Variants in TRAPPC10 observed in about 807,000 individuals in gnomAD.
TRAPPC10 encodes the protein trafficking protein particle complex subunit 10, also known as TRAPP 130 kDa subunit.
In TRAPPC10, 23 loss-of-function variants were observed where a neutral mutation model predicts 125.5. The observed-to-expected ratio is 0.18, with a 90% CI of 0.13 to 0.26. The LOEUF is 0.26. TRAPPC10 is among the 10% of genes least tolerant of loss of function. The pLI is 1.00. For missense variants in TRAPPC10, 1,123 were observed against 1,308.4 expected (o/e 0.86, Z 2.19); for synonymous variants, 509 against 518.0 (o/e 0.98, Z 0.24).
intron 2 of TRAPPC10, among the ~76,000 whole-genome samples, chr21:44,036,170 A>G (rs1353807027): frequency 6.6e-6 from 1 of 152,220 alleles, no homozygotes; most frequent in Non-Finnish European, 1.5e-5. Flanking sequence ...GAATGAAGAA[A>G]ACAAAGCAAA....
At chr21:44,077,636 AGT>A (rs1454191693) in intron 10 of TRAPPC10, 55 bp from the exon 11 acceptor site, 1 of 1,262,548 alleles carries the variant, frequency 7.9e-7, no homozygotes, top group Non-Finnish European at 1.1e-6. Context: ...GAATAAATGT[AGT>A]ATTTGTCCAT....
Position 44,046,940 on chromosome 21 carries a change from C to T in TRAPPC10, c.286-5340C>T, listed in dbSNP as rs1175608553. ...ACTGGCCGTCCTACATTTCAGGTGTCGATGAATATGGCCCACTGGGAACTG... is the reference window on the plus strand; with the variant it reads ...ACTGGCCGTCCTACATTTCAGGTGTTGATGAATATGGCCCACTGGGAACTG... On this transcript the variant is annotated intron_variant, in intron 3 of 22. Transcript: ENST00000291574. 5 of 831,512 alleles carry T rather than the reference C, an allele frequency of 6.0e-6. 1 individual carries two copies. Among genetic ancestry groups the T allele is most frequent in the South Asian group, 4.0e-5 (3 of 75,262 alleles). The allele number at this position is 831,512 out of a possible 1,614,324, so 51.5% of individuals were successfully genotyped here.
chr21:44,084,762 T>C (rs950730997), intron 15 of TRAPPC10, among the ~76,000 whole-genome samples: 3 of 152,222 alleles, frequency 2.0e-5, no homozygotes, highest in African/African-American at 7.2e-5. Flanking sequence ...CAGGGTTCTT[T>C]TGCTTGTGCT....
Position 44,083,016 on chromosome 21 carries a change from C to G in TRAPPC10, c.1952C>G (p.Ser651Cys). 3 of 1,614,094 alleles carry G rather than the reference C, an allele frequency of 1.9e-6. No homozygotes were observed. The highest frequency in any genetic ancestry group is 2.5e-6 in the Non-Finnish European group (3 of 1,180,026). ...TAEWLTKHKT[S>C]NGIINFPPET... ...GAGTGGCTTACCAAGCACAAGACGT[C>G]CAATGGGATCATTAACTTTCCACCC... The change falls in exon 14 of 23, where the codon TCC becomes TGC. Residue 651 changes from serine to cysteine, a missense_variant. Physicochemically the swap from Ser to Cys is moderately radical, Grantham distance 112 (BLOSUM62 -1). Around this residue, in one of 4 missense-constraint regions of TRAPPC10, gnomAD observed 840 missense variants for 902.0 expected, o/e 0.93. Transcript: ENST00000291574.
intron 1 of TRAPPC10, among the ~76,000 whole-genome samples, chr21:44,018,143 CT>C (rs60369997): frequency 0.35 from 51,816 of 148,154 alleles, 12,845 homozygotes; most frequent in African/African-American, 0.71. Context: ...GTCTGATTTT[CT>C]TTTTTTTTTT....
chr21:44,023,453 G>A (rs1288331772), intron 1 of TRAPPC10, among the ~76,000 whole-genome samples: 1 of 152,186 alleles, frequency 6.6e-6, no homozygotes, highest in African/African-American at 2.4e-5. Flanking sequence ...CATACTTGAT[G>A]TGTTACAGTC....
rs1022219081 is a variant in TRAPPC10, at chr21:44,089,752, A to T, written c.2770-81A>T. The T allele has an allele frequency of 1.9e-5, 20 of 1,033,798 alleles. No individual in the cohort carries two copies. The African/African-American group carries it at 2.7e-4, about 14-fold the overall frequency. 64.0% of individuals were successfully genotyped at this position (1,033,798 alleles called of 1,614,324 possible). A position where few individuals can be genotyped will look rare whatever the true frequency, so the allele number is the denominator to read the frequency against. On this transcript the variant is annotated intron_variant, in intron 17 of 22. Transcript: ENST00000291574. ...TGTCTAGGGCGTGGGCGGGCACTGC[A>T]GGTGAGTCTGGGCAGCAGTGGTGGT...
At chr21:44,014,865 A>G (rs985991769) in intron 1 of TRAPPC10, among the ~76,000 whole-genome samples, 3 of 152,170 alleles carry the variant, frequency 2.0e-5, no homozygotes, top group Non-Finnish European at 4.4e-5. Flanking sequence ...TGATCACTTT[A>G]AAAGTGAAGG....
intron 6 of TRAPPC10, chr21:44,062,400 G>C (rs1488086705): frequency 1.2e-5 from 3 of 255,090 alleles, no homozygotes. Flanking sequence ...GTAAGTTTGG[G>C]CCGTAGAAAG....
Position 44,063,852 on chromosome 21 carries a change from G to C in TRAPPC10, c.1038+67G>C. The C allele has an allele frequency of 6.4e-7, 1 of 1,554,292 alleles. No individual in the cohort carries two copies. Among genetic ancestry groups the C allele is most frequent in the South Asian group, 1.2e-5 (1 of 82,056 alleles). ...TCCAGCAGAAATCTCTGAACCTTGAGATCCCAGGCATTGAACTGTTTGTGC... is the reference window on the plus strand; with the variant it reads ...TCCAGCAGAAATCTCTGAACCTTGACATCCCAGGCATTGAACTGTTTGTGC... On this transcript the variant is annotated intron_variant, in intron 7 of 22. Coordinates refer to ENST00000291574, the MANE Select transcript of TRAPPC10 (RefSeq NM_003274.5). The surrounding 1 kb of genome is among the most constrained non-coding windows in gnomAD (Gnocchi z 4.4).
intron 1 of TRAPPC10, among the ~76,000 whole-genome samples, chr21:44,016,995 A>C (rs1355049476): frequency 6.6e-6 from 1 of 152,212 alleles, no homozygotes; most frequent in African/African-American, 2.4e-5. Context: ...ATTTTCTACT[A>C]AACCTGAAAA....
In TRAPPC10 at chr21:44,059,253, T is replaced by C. The variant is rs780683979; in HGVS notation, c.790+39T>C. The C allele has an allele frequency of 2.0e-6, 3 of 1,465,658 alleles. No homozygotes were observed. Among genetic ancestry groups the C allele is most frequent in the Non-Finnish European group, 2.8e-6 (3 of 1,070,326 alleles). 90.8% of individuals were successfully genotyped at this position (1,465,658 alleles called of 1,614,324 possible). A position where few individuals can be genotyped will look rare whatever the true frequency, so the allele number is the denominator to read the frequency against. ...CTTCAGTAACGCATGCTTTTCTTAGTGTGGCTTTCTCCAACTTCAGATAGG... is the reference window on the plus strand; with the variant it reads ...CTTCAGTAACGCATGCTTTTCTTAGCGTGGCTTTCTCCAACTTCAGATAGG... On this transcript the variant is annotated intron_variant, in intron 6 of 22. Coordinates refer to ENST00000291574, the MANE Select transcript of TRAPPC10 (RefSeq NM_003274.5). The surrounding 1 kb of genome is among the most constrained non-coding windows in gnomAD (Gnocchi z 4.4).
At chr21:44,030,945 C>A (rs935711183) in intron 1 of TRAPPC10, among the ~76,000 whole-genome samples, 1 of 152,202 alleles carries the variant, frequency 6.6e-6, no homozygotes, top group Non-Finnish European at 1.5e-5. Context: ...CACCAGAGCT[C>A]CTCTGGCCGA....
At chr21:44,079,144 T>C (rs1175995569) in intron 11 of TRAPPC10, among the ~76,000 whole-genome samples, 1 of 152,102 alleles carries the variant, frequency 6.6e-6, no homozygotes, top group East Asian at 1.9e-4. Flanking sequence ...GACCCATACT[T>C]GGACTTCCTG....
chr21:44,056,097 T>C (rs991592399), intron 5 of TRAPPC10, among the ~76,000 whole-genome samples: 1 of 152,132 alleles, frequency 6.6e-6, no homozygotes. Flanking sequence ...ACACACACAC[T>C]GCCCCGGGGA....
intron 1 of TRAPPC10, among the ~76,000 whole-genome samples, chr21:44,012,778 C>T (rs1601521910): frequency 1.3e-5 from 2 of 151,954 alleles, no homozygotes; most frequent in South Asian, 4.1e-4. Context: ...CTGGGGGGCG[C>T]CCTCGGGCCG....
intron 6 of TRAPPC10, chr21:44,062,422 A>T: frequency 5.1e-6 from 2 of 392,566 alleles, no homozygotes; most frequent in Non-Finnish European, 6.9e-6. Context: ...GGCTCAGGTG[A>T]GAGATGGGGC....
At chr21:44,085,717 A>AG (rs2038081665) in intron 15 of TRAPPC10, among the ~76,000 whole-genome samples, 1 of 151,706 alleles carries the variant, frequency 6.6e-6, no homozygotes, top group African/African-American at 2.4e-5. Flanking sequence ...TTAAAAAAAA[A>AG]AAAAGTTTTC....
rs529700208 is a variant in TRAPPC10, at chr21:44,043,146, A to G, written c.285+5219A>G. Among the ~76,000 whole-genome samples, 16 of 151,332 alleles carry G rather than the reference A, an allele frequency of 1.1e-4. 1 individual carries two copies. In the South Asian group the frequency reaches 3.4e-3, roughly 32 times the overall value. Reference sequence around the variant, plus strand: ...CAACATCCTGTATGCACAATATTCTAGACACTTTGGTTCTATTGATCATTG... The same window carrying G: ...CAACATCCTGTATGCACAATATTCTGGACACTTTGGTTCTATTGATCATTG... On this transcript the variant is annotated intron_variant, in intron 3 of 22. Transcript: ENST00000291574.
Sources: allele counts gnomAD v4.1 joint callset (sites outside exome capture counted in the v4.1 genomes callset), GRCh38; gene constraint gnomAD v4.1.1; regional missense constraint gnomAD v4.1.1; non-coding constraint Gnocchi (gnomAD v3.1); transcripts MANE v1.5; gene names NCBI Gene and HGNC (gene_info 2026-07-23, HGNC 2026-07-21).